MRTFB: variants seen among roughly 807,000 people sequenced by gnomAD.
MRTFB encodes myocardin-related transcription factor B.
MRTFB carries 29 observed loss-of-function variants against 104.2 expected under a neutral mutation model. The ratio of observed to expected loss-of-function variants is 0.28; its 90% CI spans 0.21 to 0.38. MRTFB has a LOEUF of 0.38. Ranked by LOEUF, MRTFB falls within the 10% of genes least tolerant of loss-of-function variation. The pLI, the probability that MRTFB is intolerant of heterozygous loss-of-function variation, is 1.00. For missense variants in MRTFB, 1,270 were observed against 1,341.6 expected (o/e 0.95, Z 0.83); for synonymous variants, 535 against 519.5 (o/e 1.03, Z -0.41).
chr16:14,016,979 G>C, the MRTFB span, among the ~76,000 whole-genome samples: 7 of 151,574 alleles, frequency 4.6e-5, no homozygotes, highest in African/African-American at 1.7e-4. Flanking sequence ...ACTTTTACAA[G>C]CATTTCTGAG....
the MRTFB span, among the ~76,000 whole-genome samples, chr16:14,013,860 A>C: frequency 0.61 from 92,741 of 152,042 alleles, 29,737 homozygotes; most frequent in African/African-American, 0.79. Flanking sequence ...TTGGAAACGC[A>C]GGTCTCACTC....
intron 5 of MRTFB, 111 bp from the exon 6 acceptor site, chr16:14,213,434 C>G (rs1353657006): frequency 1.2e-5 from 8 of 671,734 alleles, no homozygotes; most frequent in Non-Finnish European, 1.9e-5. Context: ...CTCTTCGTCT[C>G]AAACACATGA....
At chr16:14,074,611 A>G (rs1050082204) in intron 1 of MRTFB, among the ~76,000 whole-genome samples, 27 of 152,206 alleles carry the variant, frequency 1.8e-4, no homozygotes, top group Non-Finnish European at 3.5e-4. Context: ...GTAGGACATT[A>G]TATCTTGAAA....
the MRTFB span, among the ~76,000 whole-genome samples, chr16:14,046,814 T>G: frequency 6.6e-6 from 1 of 152,180 alleles, no homozygotes; most frequent in Non-Finnish European, 1.5e-5. Flanking sequence ...TTCCATAAAT[T>G]AATTACTTCA....
intron 1 of MRTFB, among the ~76,000 whole-genome samples, chr16:14,078,170 A>C (rs2034178741): frequency 6.6e-6 from 1 of 152,116 alleles, no homozygotes; most frequent in Non-Finnish European, 1.5e-5. Flanking sequence ...CTGTCTCTGC[A>C]TGTAGCTTGT....
At chr16:14,085,864 A>G (rs1043226299) in intron 2 of MRTFB, among the ~76,000 whole-genome samples, 3 of 152,224 alleles carry the variant, frequency 2.0e-5, no homozygotes, top group South Asian at 4.1e-4. Flanking sequence ...TTTGTTTGAA[A>G]TGTTGAATTG....
At chr16:14,109,413 A>G (rs1465605416) in intron 2 of MRTFB, among the ~76,000 whole-genome samples, 1 of 152,234 alleles carries the variant, frequency 6.6e-6, no homozygotes, top group Non-Finnish European at 1.5e-5. Context: ...TTCAAAATGA[A>G]TAGTATGAGG....
chr16:14,127,919 ATATATATATATTTTTTTTTTTTTT>A (rs1474733090), intron 2 of MRTFB, among the ~76,000 whole-genome samples: 935 of 39,314 alleles, frequency 0.024, 12 homozygotes, highest in African/African-American at 0.19. Context: ...ATATATATAT[ATATATATATATTTTTTTTTTTTTT>A]TTTTTTTTCT....
chr16:14,041,923 T>A, the MRTFB span, among the ~76,000 whole-genome samples: 7 of 151,908 alleles, frequency 4.6e-5, no homozygotes, highest in Admixed American at 4.6e-4. Context: ...CTAAACTCTG[T>A]CTCAAAAAAA....
the MRTFB span, among the ~76,000 whole-genome samples, chr16:14,033,374 C>T: frequency 2.2e-4 from 13 of 60,420 alleles, no homozygotes; most frequent in African/African-American, 7.5e-4. Flanking sequence ...AGCAAGACCT[C>T]ATCTCTACAA....
At chr16:14,236,224 G>A (rs543794792) in intron 9 of MRTFB, among the ~76,000 whole-genome samples, 7 of 152,268 alleles carry the variant, frequency 4.6e-5, no homozygotes, top group South Asian at 4.1e-4. Context: ...TATTGATAAC[G>A]AAATAAGAAG....
At chr16:14,233,229 T>G (rs76746849) in intron 8 of MRTFB, among the ~76,000 whole-genome samples, 2,561 of 152,292 alleles carry the variant, frequency 0.017, 80 homozygotes, top group African/African-American at 0.058. Flanking sequence ...AGAGATAATG[T>G]TGTCGGTAAA....
At chr16:14,159,658 G>A (rs1014879048) in intron 3 of MRTFB, among the ~76,000 whole-genome samples, 13 of 152,108 alleles carry the variant, frequency 8.5e-5, no homozygotes, top group South Asian at 6.2e-4. Flanking sequence ...GGCCGGGCGC[G>A]GTGGCTCACG....
chr16:14,030,935 T>C, the MRTFB span, among the ~76,000 whole-genome samples: 1 of 152,160 alleles, frequency 6.6e-6, no homozygotes, highest in Non-Finnish European at 1.5e-5. Context: ...AACTGGGGGC[T>C]CTGAAAATGG....
At chr16:14,161,084 A>ATTTT (rs2039016402) in intron 3 of MRTFB, among the ~76,000 whole-genome samples, 11 of 81,690 alleles carry the variant, frequency 1.3e-4, no homozygotes, top group African/African-American at 5.0e-4. Flanking sequence ...TAATGCCAGG[A>ATTTT]CTTTTTTTTT....
At chr16:14,073,232 C>T (rs1012286596) in intron 1 of MRTFB, among the ~76,000 whole-genome samples, 3 of 152,202 alleles carry the variant, frequency 2.0e-5, no homozygotes, top group Non-Finnish European at 2.9e-5. Flanking sequence ...GAAAGACTCT[C>T]GTACCAGGCG....
At chr16:14,127,913 ATATATATATATATATATT>A (rs2037208118) in intron 2 of MRTFB, among the ~76,000 whole-genome samples, 2 of 45,530 alleles carry the variant, frequency 4.4e-5, no homozygotes, top group Admixed American at 2.3e-4. Flanking sequence ...ATATATATAT[ATATATATATATATATATT>A]TTTTTTTTTT....
At chr16:14,212,047 G>A (rs1427173498) in intron 4 of MRTFB, among the ~76,000 whole-genome samples, 1 of 152,158 alleles carries the variant, frequency 6.6e-6, no homozygotes, top group African/African-American at 2.4e-5. Flanking sequence ...ACTCATCAAG[G>A]AGTCATCAGA....
chr16:14,090,879 G>GGTGTGGGTGTGT, intron 2 of MRTFB, among the ~76,000 whole-genome samples: 1 of 141,788 alleles, frequency 7.1e-6, no homozygotes, highest in South Asian at 2.4e-4. Flanking sequence ...AGTTCAGCAT[G>GGTGTGGGTGTGT]GTGTGTGTGT....
Sources: allele counts gnomAD v4.1 joint callset (sites outside exome capture counted in the v4.1 genomes callset), GRCh38; gene constraint gnomAD v4.1.1; transcripts MANE v1.5; gene names NCBI Gene and HGNC (gene_info 2026-07-23, HGNC 2026-07-21).